KITLG: variants seen among roughly 807,000 people sequenced by gnomAD.
KITLG encodes the protein KIT ligand.
KITLG carries 13 observed loss-of-function variants against 34.1 expected under a neutral mutation model. That is an observed-to-expected ratio of 0.38 (90% CI 0.25 to 0.61). The LOEUF is 0.61. Ranked by LOEUF, KITLG falls within the 20% of genes least tolerant of loss-of-function variation. The pLI is 0.60. For synonymous variants in KITLG, 110 were observed against 104.0 expected (o/e 1.06, Z -0.35); for missense variants, 292 against 318.9 (o/e 0.92, Z 0.64).
intron 1 of KITLG, among the ~76,000 whole-genome samples, chr12:88,548,076 A>G (rs1870775390): frequency 6.6e-6 from 1 of 152,216 alleles, no homozygotes; most frequent in Non-Finnish European, 1.5e-5. Context: ...GTTCAGAGTG[A>G]CAATCACAGT....
At position 88,496,113 on chromosome 12, in the gene KITLG, C is replaced by T. The variant is rs138233161; in HGVS notation, c.*1106G>A. The stretch of plus-strand genomic sequence containing the variant: ...GTGCCCGATTTTAACTAAATGGATC[C>T]TTTAAACAGATAATGGTGATTATAC... On this transcript the variant is annotated 3_prime_UTR_variant, in exon 10 of 10. Transcript: ENST00000644744. 4 of 152,228 alleles carry T rather than the reference C, an allele frequency of 2.6e-5. No individual in the cohort carries two copies. Among genetic ancestry groups the T allele is most frequent in the African/African-American group, 9.6e-5 (4 of 41,550 alleles). The allele number at this position is 152,228 out of a possible 1,614,324, so 9.4% of individuals were successfully genotyped here.
At chr12:88,559,598 T>G (rs559823447) in intron 1 of KITLG, among the ~76,000 whole-genome samples, 31 of 152,306 alleles carry the variant, frequency 2.0e-4, no homozygotes, top group Non-Finnish European at 3.7e-4. Flanking sequence ...AATTAAATCC[T>G]AAGCAAAACA....
intron 1 of KITLG, among the ~76,000 whole-genome samples, chr12:88,575,259 T>G (rs1167362006): frequency 6.6e-6 from 1 of 152,112 alleles, no homozygotes; most frequent in African/African-American, 2.4e-5. Context: ...ATAAAAGAAA[T>G]CAGCCTCCTA....
At position 88,506,367 on chromosome 12, in the gene KITLG, T is replaced by C. The variant is rs1349075525; in HGVS notation, c.726A>G (p.Pro242=). The C allele has an allele frequency of 6.2e-7, 1 of 1,604,814 alleles. No individual in the cohort carries two copies. Among genetic ancestry groups the C allele is most frequent in the South Asian group, 1.1e-5 (1 of 90,920 alleles). ...TATTTTCAACTGCCCTTGTAAGACT[T>C]GGCTGTCTCTTCTGGAAAAAGAAGA... is the stretch of plus-strand genomic sequence containing the variant. The part of the protein sequence containing the change: ...FGALYWKKRQ[P]SLTRAVENIQ... The change falls in exon 8 of 10, where the codon CCA becomes CCG. Residue 242 remains proline, a synonymous_variant. Transcript: ENST00000644744.
intron 3 of KITLG, among the ~76,000 whole-genome samples, chr12:88,524,920 T>C (rs1225956642): frequency 6.6e-6 from 1 of 152,152 alleles, no homozygotes; most frequent in Non-Finnish European, 1.5e-5. Context: ...GAATGCCGCA[T>C]CATAGGAGTG....
At position 88,528,620 on chromosome 12, in the gene KITLG, T is replaced by C. The variant is rs190054189; in HGVS notation, c.192+3821A>G. On this transcript the variant is annotated intron_variant, in intron 3 of 9. Coordinates refer to ENST00000644744, the MANE Select transcript of KITLG (RefSeq NM_000899.5). ...CTGTGTTTAGGTAAGAAAATATCCT[T>C]CACATAGGAAATACACACTGAAGTA... Among the ~76,000 whole-genome samples the C allele has an allele frequency of 1.6e-3, 250 of 152,316 alleles. 1 individual carries two copies. The highest frequency in any genetic ancestry group is 3.9e-4 in the East Asian group (2 of 5,186).
chr12:88,510,474 G>A (rs1333734447), intron 6 of KITLG, among the ~76,000 whole-genome samples: 2 of 152,166 alleles, frequency 1.3e-5, no homozygotes, highest in South Asian at 2.1e-4. Flanking sequence ...TGACCGAAGA[G>A]TCAAAAGAGT....
chr12:88,556,621 T>C (rs553263304), intron 1 of KITLG, among the ~76,000 whole-genome samples: 1 of 152,226 alleles, frequency 6.6e-6, no homozygotes, highest in South Asian at 2.1e-4. Context: ...CCAGTTTGGG[T>C]GACTGTGTAA....
At chr12:88,517,079 G>GT (rs895762730) in intron 4 of KITLG, among the ~76,000 whole-genome samples, 2 of 151,732 alleles carry the variant, frequency 1.3e-5, no homozygotes, top group Non-Finnish European at 2.9e-5. Flanking sequence ...ATATAAAAAA[G>GT]TTTTTTTGCA....
At position 88,567,895 on chromosome 12, in the gene KITLG, G is replaced by A. The variant is rs186320758; in HGVS notation, c.15+12369C>T. 5.0e-4 allele frequency among the ~76,000 whole-genome samples: 76 copies of A among 152,288 alleles called. 1 individual carries two copies. Among genetic ancestry groups the A allele is most frequent in the African/African-American group, 1.8e-3 (76 of 41,562 alleles). ...GACTCAAAGTCATACAGTTTGAAGA[G>A]ATGATTCCAGATTTATGAGTCTCCA... On this transcript the variant is annotated intron_variant, in intron 1 of 9. Transcript: ENST00000644744.
chr12:88,530,316 G>A (rs978871973), intron 3 of KITLG, among the ~76,000 whole-genome samples: 1 of 152,070 alleles, frequency 6.6e-6, no homozygotes, highest in Non-Finnish European at 1.5e-5. Flanking sequence ...ACTCTGTCAC[G>A]TTCTAATTGT....
At chr12:88,547,901 T>C (rs974259644) in intron 1 of KITLG, among the ~76,000 whole-genome samples, 2 of 152,246 alleles carry the variant, frequency 1.3e-5, no homozygotes, top group Non-Finnish European at 2.9e-5. Flanking sequence ...GCTAGGCCTA[T>C]ATAATGAACA....
At chr12:88,532,530 TA>T in intron 2 of KITLG, 27 bp from the exon 3 acceptor site, 1 of 1,509,414 alleles carries the variant, frequency 6.6e-7, no homozygotes, top group Non-Finnish European at 9.2e-7. Context: ...AAAAATTCCA[TA>T]AGAAAATTCT....
chr12:88,569,641 G>A lies in KITLG; in HGVS notation c.15+10623C>T, dbSNP rs936623584. 1.5e-4 allele frequency among the ~76,000 whole-genome samples: 23 copies of A among 152,216 alleles called. 1 individual carries two copies. Among genetic ancestry groups the A allele is most frequent in the Middle Eastern group, 6.8e-3 (2 of 294 alleles). ...CCATTGCTCATTCTGTTTGGCAGAT[G>A]GGGAAATTGAGGCTAAGAGGTTTTC... On this transcript the variant is annotated intron_variant, in intron 1 of 9. Coordinates refer to ENST00000644744, the MANE Select transcript of KITLG (RefSeq NM_000899.5).
intron 5 of KITLG, 24 bp from the exon 6 acceptor site, chr12:88,515,641 C>A: frequency 1.3e-6 from 2 of 1,529,828 alleles, no homozygotes; most frequent in South Asian, 2.2e-5. Flanking sequence ...AATAATGTGT[C>A]AGTGTTATAT....
intron 1 of KITLG, among the ~76,000 whole-genome samples, chr12:88,558,909 C>G (rs1271761122): frequency 1.3e-5 from 2 of 152,022 alleles, no homozygotes; most frequent in African/African-American, 4.8e-5. Flanking sequence ...ATACTAGGTG[C>G]TCTTGATTTA....
At chr12:88,517,386 T>C (rs912901624) in intron 4 of KITLG, among the ~76,000 whole-genome samples, 6 of 152,094 alleles carry the variant, frequency 3.9e-5, no homozygotes, top group Admixed American at 3.9e-4. Flanking sequence ...TATCTGTTAC[T>C]TACTATGGAC....
At chr12:88,558,885 G>C (rs1248038408) in intron 1 of KITLG, among the ~76,000 whole-genome samples, 1 of 152,124 alleles carries the variant, frequency 6.6e-6, no homozygotes. Flanking sequence ...CGTTGTATTT[G>C]ATTGAAGGGC....
chr12:88,518,645 TG>T, intron 4 of KITLG, 51 bp downstream of exon 4: 1 of 1,422,018 alleles, frequency 7.0e-7, no homozygotes, highest in East Asian at 2.3e-5. Context: ...CCAAGAAGCA[TG>T]GGTTTTTAGA....
Sources: gnomAD v4.1 joint callset for allele counts (sites outside exome capture counted in the v4.1 genomes callset) on GRCh38, gnomAD v4.1.1 for gene constraint, MANE v1.5 for transcripts, NCBI Gene and HGNC (gene_info 2026-07-23, HGNC 2026-07-21) for gene names.